The following KIF13A variants were observed in gnomAD, a reference collection of about 807,000 sequenced individuals.
KIF13A encodes the protein kinesin family member 13A.
In KIF13A, 79 loss-of-function variants were observed where a neutral mutation model predicts 212.2. The ratio of observed to expected loss-of-function variants is 0.37; its 90% CI spans 0.31 to 0.45. The LOEUF (loss-of-function observed/expected upper bound fraction) is 0.45, where lower values mean the gene tolerates loss of function less well. KIF13A is among the 20% of genes least tolerant of loss of function. KIF13A has a pLI of 1.00. For missense variants in KIF13A, 1,901 were observed against 2,209.0 expected, an observed-to-expected ratio of 0.86 and a Z score of 2.79; for synonymous variants, 789 against 808.6, an observed-to-expected ratio of 0.98 and a Z score of 0.41.
chr6:17,792,800 C>G (rs1761706636), intron 25 of KIF13A, among the ~76,000 whole-genome samples: 1 of 152,224 alleles, frequency 6.6e-6, no homozygotes, highest in African/African-American at 2.4e-5. Context: ...AGTCTGTGCA[C>G]TGACTTTCAG....
chr6:17,870,780 C>G (rs1013299319), intron 4 of KIF13A, among the ~76,000 whole-genome samples: 3 of 152,106 alleles, frequency 2.0e-5, no homozygotes, highest in African/African-American at 4.8e-5. Context: ...GGTTCCCCCC[C>G]GCCAAGATAT....
chr6:17,987,147 G>A lies in KIF13A; in HGVS notation c.56-3C>T, dbSNP rs762463984. The A allele has an allele frequency of 6.2e-7, 1 of 1,608,884 alleles. No individual in the cohort carries two copies. Among genetic ancestry groups the A allele is most frequent in the Non-Finnish European group, 8.5e-7 (1 of 1,176,236 alleles). On this transcript the variant is annotated splice_polypyrimidine_tract_variant and splice_region_variant and intron_variant, in intron 1 of 38. Transcript: ENST00000259711. The surrounding 1 kb of genome is among the most constrained non-coding windows in gnomAD (Gnocchi z 7.7). ...GCACTTGGTGTTCAGTTCCAGTTCT[G>A]AAAGCAGAGAGAAAGGGACGTTGCA... is the stretch of plus-strand genomic sequence containing the variant.
At chr6:17,824,146 G>T (rs1324458899) in intron 16 of KIF13A, among the ~76,000 whole-genome samples, 5 of 150,750 alleles carry the variant, frequency 3.3e-5, no homozygotes, top group Non-Finnish European at 7.4e-5. Flanking sequence ...GACCTCAGGT[G>T]ATCTGCCCAC....
chr6:17,846,974 T>C (rs1258109592), intron 9 of KIF13A, among the ~76,000 whole-genome samples: 2 of 152,248 alleles, frequency 1.3e-5, no homozygotes, highest in African/African-American at 4.8e-5. Context: ...AAACTTGCTC[T>C]GTCTTGGTTT....
chr6:17,803,280 T>C (rs576578814), intron 20 of KIF13A, among the ~76,000 whole-genome samples: 1 of 152,118 alleles, frequency 6.6e-6, no homozygotes, highest in South Asian at 2.1e-4. Flanking sequence ...TGGGGTCTCA[T>C]AGTGTTGACC....
Position 17,787,544 on chromosome 6 carries a change from A to G in KIF13A, c.3361+232T>C, listed in dbSNP as rs1761162089. 6.6e-6 allele frequency among the ~76,000 whole-genome samples: 1 copy of G among 152,126 alleles called. No individual in the cohort carries two copies. The highest frequency in any genetic ancestry group is 2.4e-5 in the African/African-American group (1 of 41,438). Reference sequence around the variant, plus strand: ...CTTGTGCCTGTGGTCTCAGCTACTCAGGAGGCTGAGGCAGGAGGATCTCTT... The same window carrying G: ...CTTGTGCCTGTGGTCTCAGCTACTCGGGAGGCTGAGGCAGGAGGATCTCTT... On this transcript the variant is annotated intron_variant, in intron 27 of 38. Transcript: ENST00000259711. This position sits in a 1 kb window ranked among gnomAD's most constrained non-coding sequence, Gnocchi z 4.6.
rs1451249712 is a variant in KIF13A, at chr6:17,785,944, A to G, written c.3362-303T>C. 6.6e-6 allele frequency among the ~76,000 whole-genome samples: 1 copy of G among 152,018 alleles called. No individual in the cohort carries two copies. The highest frequency in any genetic ancestry group is 1.5e-5 in the Non-Finnish European group (1 of 67,990). ...AAAAACAAGCAAACAAAAACAATAA[A>G]CAGATTTCACTCAGTGCTATCTATA... On this transcript the variant is annotated intron_variant, in intron 27 of 38. Coordinates refer to ENST00000259711, the MANE Select transcript of KIF13A (RefSeq NM_022113.6). This position sits in a 1 kb window ranked among gnomAD's most constrained non-coding sequence, Gnocchi z 5.8.
chr6:17,947,554 C>T lies in KIF13A; in HGVS notation c.146+39500G>A, dbSNP rs1777510065. On this transcript the variant is annotated intron_variant, in intron 2 of 38. Transcript: ENST00000259711. The surrounding 1 kb of genome is among the most constrained non-coding windows in gnomAD (Gnocchi z 4.6). ...CTTAGAAAATACACCAAGAGCTGGG[C>T]GTGGTAGCTCACGCCTGTAATCCCA... is the stretch of plus-strand genomic sequence containing the variant. Among the ~76,000 whole-genome samples the T allele has an allele frequency of 1.3e-5, 2 of 152,242 alleles. No homozygotes were observed. Among genetic ancestry groups the T allele is most frequent in the Non-Finnish European group, 1.5e-5 (1 of 68,012 alleles).
chr6:17,896,560 G>A (rs1355312289), intron 3 of KIF13A, among the ~76,000 whole-genome samples: 2 of 152,034 alleles, frequency 1.3e-5, no homozygotes, highest in Non-Finnish European at 2.9e-5. Flanking sequence ...CTTTCCAGAT[G>A]TGCCTTATGG....
At chr6:17,796,209 CT>C (rs1231509585) in intron 23 of KIF13A, among the ~76,000 whole-genome samples, 1 of 133,828 alleles carries the variant, frequency 7.5e-6, no homozygotes. Flanking sequence ...CCTTTTTTTT[CT>C]TTTTTTTTGG....
In KIF13A at chr6:17,849,554, A is replaced by G; in HGVS notation, c.718-65T>C. The G allele has an allele frequency of 2.7e-6, 3 of 1,131,044 alleles. No individual in the cohort carries two copies. Among genetic ancestry groups the G allele is most frequent in the Non-Finnish European group, 3.9e-6 (3 of 766,216 alleles). The allele number at this position is 1,131,044 out of a possible 1,614,324, so 70.1% of individuals were successfully genotyped here. A position where few individuals can be genotyped will look rare whatever the true frequency, so the allele number is the denominator to read the frequency against. ...ATAAAAACCACATGGATATCTACAT[A>G]TATGTTAGCACTATAATTGAGCAAT... On this transcript the variant is annotated intron_variant, in intron 8 of 38. Transcript: ENST00000259711. This position sits in a 1 kb window ranked among gnomAD's most constrained non-coding sequence, Gnocchi z 5.7.
intron 2 of KIF13A, chr6:17,950,907 A>G (rs1459245964): frequency 3.3e-5 from 32 of 983,002 alleles, no homozygotes; most frequent in Non-Finnish European, 3.9e-5. Context: ...AACCGTATCC[A>G]CCCACCCAGA....
chr6:17,884,353 C>T (rs1410682476), intron 3 of KIF13A, among the ~76,000 whole-genome samples: 1 of 152,188 alleles, frequency 6.6e-6, no homozygotes, highest in Non-Finnish European at 1.5e-5. Flanking sequence ...CTTCGCTCCC[C>T]CATTAATAGC....
At chr6:17,827,176 C>G (rs1200892786) in intron 14 of KIF13A, among the ~76,000 whole-genome samples, 2 of 152,146 alleles carry the variant, frequency 1.3e-5, no homozygotes, top group Non-Finnish European at 1.5e-5. Flanking sequence ...CTCACTACAG[C>G]CTCAACCTCG....
At chr6:17,976,469 T>G (rs897244407) in intron 2 of KIF13A, among the ~76,000 whole-genome samples, 1 of 152,186 alleles carries the variant, frequency 6.6e-6, no homozygotes, top group Non-Finnish European at 1.5e-5. Context: ...CAAGGCCGGC[T>G]GGCTGCTCCG....
At chr6:17,784,093 G>A (rs1195562928) in intron 28 of KIF13A, among the ~76,000 whole-genome samples, 1 of 152,186 alleles carries the variant, frequency 6.6e-6, no homozygotes, top group African/African-American at 2.4e-5. Context: ...AGGGAGGGTT[G>A]TGTACAGAAG....
rs1581375941 is a variant in KIF13A at position 17,809,547 on chromosome 6, G to A, written c.2001-617C>T. Among the ~76,000 whole-genome samples, 3 of 152,116 alleles carry A rather than the reference G, an allele frequency of 2.0e-5. No individual in the cohort carries two copies. The highest frequency in any genetic ancestry group is 2.1e-4 in the South Asian group (1 of 4,836). ...TAGTTAGAACTTTTCATTTTTACTCGTATAATTATTTGTTTAATATCTGTC... is the reference window on the plus strand; with the variant it reads ...TAGTTAGAACTTTTCATTTTTACTCATATAATTATTTGTTTAATATCTGTC... On this transcript the variant is annotated intron_variant, in intron 17 of 38. Transcript: ENST00000259711. This position sits in a 1 kb window ranked among gnomAD's most constrained non-coding sequence, Gnocchi z 4.7.
rs1779844785 is a variant in KIF13A at position 17,971,995 on chromosome 6, G to C, written c.146+15059C>G. 1.3e-5 allele frequency among the ~76,000 whole-genome samples: 2 copies of C among 152,166 alleles called. No homozygotes were observed. Among genetic ancestry groups the C allele is most frequent in the African/African-American group, 4.8e-5 (2 of 41,424 alleles). ...ATGCATAATTCATCATAAAAATGTA[G>C]ACTAGGCTGTAATCCTAGAAAGAAG... On this transcript the variant is annotated intron_variant, in intron 2 of 38. Transcript: ENST00000259711. The surrounding 1 kb of genome is among the most constrained non-coding windows in gnomAD (Gnocchi z 4.2).
chr6:17,796,899 A>G, intron 22 of KIF13A, 79 bp from the exon 23 acceptor site: 1 of 945,376 alleles, frequency 1.1e-6, no homozygotes, highest in South Asian at 3.0e-5. Flanking sequence ...CAACTGTTAT[A>G]TTTATTTTAG....
Sources: allele counts gnomAD v4.1 joint callset (sites outside exome capture counted in the v4.1 genomes callset), GRCh38; gene constraint gnomAD v4.1.1; non-coding constraint Gnocchi (gnomAD v3.1); transcripts MANE v1.5; gene names NCBI Gene and HGNC (gene_info 2026-07-23, HGNC 2026-07-21).